Variants in FBRSL1 observed in about 807,000 individuals in gnomAD.
FBRSL1 encodes the protein fibrosin-1-like protein.
Under a neutral mutation model 89.6 loss-of-function variants are expected in FBRSL1, and 51 were observed. That is an observed-to-expected ratio of 0.57 (90% CI 0.45 to 0.72). The LOEUF is 0.72. Among genes scored for constraint, FBRSL1 ranks in the 30% least tolerant of loss-of-function variants. The pLI, the probability that FBRSL1 is intolerant of heterozygous loss-of-function variation, is 0.00. For missense variants in FBRSL1, 1,618 were observed against 1,451.8 expected (o/e 1.11, Z -1.86); for synonymous variants, 779 against 681.1 (o/e 1.14, Z -2.24).
chr12:132,582,981 G>A lies in FBRSL1; in HGVS notation c.2212G>A (p.Glu738Lys). The A allele has an allele frequency of 7.0e-7, 1 of 1,436,078 alleles. No individual in the cohort carries two copies. Among genetic ancestry groups the A allele is most frequent in the Non-Finnish European group, 9.1e-7 (1 of 1,103,752 alleles). 89.0% of individuals were successfully genotyped at this position (1,436,078 alleles called of 1,614,324 possible). Residue 738 changes from glutamate to lysine, a missense_variant, in exon 19 of 19, where the codon GAG becomes AAG. By Grantham distance (56) the Glu-to-Lys change is moderately conservative. Transcript: ENST00000680143. ...GKEEQERDLL[E>K]KTRLLSRASP... ...CCCTGCCGCCCCCAGGGACCTCCTG[G>A]AGAAGACGCGCCTGCTGAGCCGGGC...
chr12:132,572,353 C>T lies in FBRSL1; in HGVS notation c.1434+9C>T. ...GACATTCCAGCGTGAGTGTGAGTGT[C>T]CCCGAGGGGCCCGGCGCGTGTCGCT... On this transcript the variant is annotated intron_variant, in intron 10 of 18. Coordinates refer to ENST00000680143, the MANE Select transcript of FBRSL1 (RefSeq NM_001367871.1). 5 of 1,550,880 alleles carry T rather than the reference C, an allele frequency of 3.2e-6. No homozygotes were observed. The highest frequency in any genetic ancestry group is 3.5e-6 in the Non-Finnish European group (4 of 1,146,650).
At chr12:132,580,690 G>A (rs369548215) in intron 15 of FBRSL1, 89 of 791,754 alleles carry the variant, frequency 1.1e-4, no homozygotes, top group Middle Eastern at 1.3e-3. Flanking sequence ...ACAACTTGCC[G>A]CGTCCTACAT....
rs575764059 is a variant in FBRSL1 at position 132,583,803 on chromosome 12, G to T, written c.*25G>T. Reference sequence around the variant, plus strand: ...GCCCCGGGGCCGCAGACGCCTCTCCGAGCGGAGCGCACCGCTGTCCGTCTC... The same window carrying T: ...GCCCCGGGGCCGCAGACGCCTCTCCTAGCGGAGCGCACCGCTGTCCGTCTC... On this transcript the variant is annotated 3_prime_UTR_variant, in exon 19 of 19. Coordinates refer to ENST00000680143, the MANE Select transcript of FBRSL1 (RefSeq NM_001367871.1). 1.7e-6 allele frequency: 2 copies of T among 1,181,828 alleles called. No individual in the cohort carries two copies. Among genetic ancestry groups the T allele is most frequent in the East Asian group, 6.7e-5 (2 of 29,818 alleles). 73.2% of individuals were successfully genotyped at this position (1,181,828 alleles called of 1,614,324 possible).
Position 132,512,886 on chromosome 12 carries a change from C to G in FBRSL1, c.489+4536C>G, listed in dbSNP as rs568993665. Among the ~76,000 whole-genome samples, 134 of 152,316 alleles carry G rather than the reference C, an allele frequency of 8.8e-4. 1 individual carries two copies. In the South Asian group the frequency reaches 0.019, roughly 21 times the overall value. ...GAAACATTCAGGACCCAGAGGGGCT[C>G]TCGAGGCCTGGCCATGACCCTGCAG... On this transcript the variant is annotated intron_variant, in intron 2 of 18. Transcript: ENST00000680143.
At chr12:132,491,496 T>C (rs1212461068) in intron 1 of FBRSL1, among the ~76,000 whole-genome samples, 2 of 152,216 alleles carry the variant, frequency 1.3e-5, no homozygotes, top group African/African-American at 4.8e-5. Context: ...AGGCGCTGTC[T>C]CCCCAGGACT....
At chr12:132,582,728 G>A (rs1399110570) in intron 18 of FBRSL1, among the ~76,000 whole-genome samples, 2 of 152,156 alleles carry the variant, frequency 1.3e-5, no homozygotes, top group Non-Finnish European at 2.9e-5. Context: ...GGCCCGTGGG[G>A]AGCCGAAGTC....
chr12:132,554,542 G>C (rs1335779875), intron 5 of FBRSL1: 1 of 152,256 alleles, frequency 6.6e-6, no homozygotes, highest in Non-Finnish European at 1.5e-5. Context: ...GGCCAGTTGC[G>C]GTGACTCATG....
intron 5 of FBRSL1, among the ~76,000 whole-genome samples, chr12:132,566,857 TG>T (rs1415518909): frequency 6.6e-6 from 1 of 151,680 alleles, no homozygotes; most frequent in Non-Finnish European, 1.5e-5. Flanking sequence ...CTGTGGGTGC[TG>T]GGAGCTCGGC....
At chr12:132,567,346 CGGG>C (rs1379224459) in intron 5 of FBRSL1, 132 bp from the exon 6 acceptor site, 1 of 777,258 alleles carries the variant, frequency 1.3e-6, no homozygotes, top group Admixed American at 2.3e-5. Flanking sequence ...ACCTCGTACA[CGGG>C]GGCATCCACA....
intron 1 of FBRSL1, among the ~76,000 whole-genome samples, chr12:132,497,650 G>A (rs1234128705): frequency 1.3e-5 from 2 of 152,160 alleles, no homozygotes; most frequent in Non-Finnish European, 2.9e-5. Context: ...CAGATGAGCT[G>A]AGTGAGTGGC....
At chr12:132,579,922 C>T (rs1431790049) in intron 15 of FBRSL1, among the ~76,000 whole-genome samples, 1 of 152,080 alleles carries the variant, frequency 6.6e-6, no homozygotes, top group African/African-American at 2.4e-5. Flanking sequence ...GTTTCAGTAA[C>T]GCGAGTGTTT....
chr12:132,572,702 T>A (rs1371689455), intron 11 of FBRSL1, 80 bp downstream of exon 11: 4 of 1,017,260 alleles, frequency 3.9e-6, no homozygotes, highest in African/African-American at 1.6e-5. Flanking sequence ...CTCGCCAAAC[T>A]CTCTGCCCAC....
chr12:132,583,332 T>G lies in FBRSL1; in HGVS notation c.2563T>G (p.Phe855Val), dbSNP rs1293025682. ...LGAPGFAWEP[F>V]RGLELPRRAF... is the part of the protein sequence containing the mutation. ...CGCGCCGGGCTTCGCGTGGGAGCCT[T>G]TCCGCGGCCTGGAGCTGCCACGTCG... Residue 855 changes from phenylalanine (F) to valine (V), a missense_variant, in exon 19 of 19, where the codon TTC (phenylalanine) becomes GTC (valine). By Grantham distance (50) the Phe-to-Val change is conservative (BLOSUM62 -1). Transcript: ENST00000680143. 1.6e-5 allele frequency: 19 copies of G among 1,181,738 alleles called. No individual in the cohort carries two copies. Among genetic ancestry groups the G allele is most frequent in the Non-Finnish European group, 1.9e-5 (18 of 953,052 alleles). The allele number at this position is 1,181,738 out of a possible 1,614,324, so 73.2% of individuals were successfully genotyped here. A position where few individuals can be genotyped will look rare whatever the true frequency, so the allele number is the denominator to read the frequency against.
intron 15 of FBRSL1, among the ~76,000 whole-genome samples, chr12:132,578,283 T>A (rs983025918): frequency 6.7e-6 from 1 of 150,362 alleles, no homozygotes; most frequent in Non-Finnish European, 1.5e-5. Context: ...AGGTCAAGGT[T>A]GCAGTGAGCC....
intron 5 of FBRSL1, chr12:132,551,654 C>T (rs908325138): frequency 4.9e-5 from 22 of 449,954 alleles, no homozygotes; most frequent in Non-Finnish European, 8.5e-5. Flanking sequence ...TGGGACAGCC[C>T]TCCTCCACGT....
chr12:132,490,784 C>G lies in FBRSL1; in HGVS notation c.214C>G (p.Arg72Gly), dbSNP rs1276272075. 1.6e-6 allele frequency: 2 copies of G among 1,249,888 alleles called. No individual in the cohort carries two copies. The highest frequency in any genetic ancestry group is 3.5e-5 in the East Asian group (1 of 28,660). 77.4% of individuals were successfully genotyped at this position (1,249,888 alleles called of 1,614,324 possible). ...RTARPPRRRR[R>G]ESSSQEEEVI... ...CGCGCGTCCCCCGCGCCGCCGCCGC[C>G]GCGAGTCCAGCTCGCAGGAGGAGGA... The change falls in exon 1 of 19, where the codon CGC (arginine) becomes GGC (glycine). Residue 72 changes from arginine to glycine, a missense_variant. By Grantham distance (125) the Arg-to-Gly change is moderately radical. Transcript: ENST00000680143.
At chr12:132,575,820 C>G (rs1369858229) in intron 14 of FBRSL1, among the ~76,000 whole-genome samples, 1 of 152,280 alleles carries the variant, frequency 6.6e-6, no homozygotes, top group Non-Finnish European at 1.5e-5. Flanking sequence ...ACCCCAGTGC[C>G]AGAGCACACT....
chr12:132,495,637 G>A (rs2031889857), intron 1 of FBRSL1, among the ~76,000 whole-genome samples: 1 of 152,208 alleles, frequency 6.6e-6, no homozygotes, highest in Admixed American at 6.5e-5. Context: ...CTGAGCCGGG[G>A]CCTGCCCTGT....
chr12:132,511,278 A>G (rs2034308777), intron 2 of FBRSL1: 1 of 985,382 alleles, frequency 1.0e-6, no homozygotes, highest in Non-Finnish European at 1.2e-6. Flanking sequence ...GGGACCCCAC[A>G]GGGTGGGCAG....
Sources: allele counts gnomAD v4.1 joint callset (sites outside exome capture counted in the v4.1 genomes callset), GRCh38; gene constraint gnomAD v4.1.1; transcripts MANE v1.5; gene names NCBI Gene and HGNC (gene_info 2026-07-23, HGNC 2026-07-21).